Variants in PCSK6 observed in about 807,000 individuals in gnomAD.
PCSK6 encodes proprotein convertase subtilisin/kexin type 6.
A neutral mutation model predicts 123.3 loss-of-function variants in PCSK6; 85 were observed. The ratio of observed to expected loss-of-function variants is 0.69; its 90% CI spans 0.58 to 0.83. PCSK6 has a LOEUF of 0.83. Ranked by LOEUF, PCSK6 falls within the 40% of genes least tolerant of loss-of-function variation. The pLI is 0.00. For synonymous variants in PCSK6, 508 were observed against 516.0 expected (o/e 0.98, Z 0.21); for missense variants, 1,191 against 1,282.3 (o/e 0.93, Z 1.09).
At chr15:101,416,377 G>A (rs1378814735) in intron 6 of PCSK6, among the ~76,000 whole-genome samples, 1 of 152,228 alleles carries the variant, frequency 6.6e-6, no homozygotes, top group East Asian at 1.9e-4. Context: ...TTTAAAAGGT[G>A]ACTTGGGTGC....
chr15:101,385,393 C>T (rs1039984304), intron 9 of PCSK6, among the ~76,000 whole-genome samples: 2 of 152,142 alleles, frequency 1.3e-5, no homozygotes, highest in Non-Finnish European at 2.9e-5. Flanking sequence ...AGCCCCTCTG[C>T]CCACAGCAAC....
chr15:101,423,016 CAAAG>C (rs34511585), intron 6 of PCSK6, among the ~76,000 whole-genome samples: 5,866 of 152,104 alleles, frequency 0.039, 120 homozygotes, highest in African/African-American at 0.058. Flanking sequence ...TAGACATATG[CAAAG>C]AAAGAGAAAT....
rs79080980 is a variant in PCSK6 at position 101,372,550 on chromosome 15, G to A, written c.1533-2027C>T. ...AGCAGCCCCCGCTGCGGTAGATGGC[G>A]AACACAAGAGAAGGCTCTGGGGAGT... On this transcript the variant is annotated intron_variant, in intron 11 of 21. Transcript: ENST00000611716. Among the ~76,000 whole-genome samples, 716 of 152,232 alleles carry A rather than the reference G, an allele frequency of 4.7e-3. 18 individuals are homozygous for A. The East Asian group carries it at 0.062, about 13-fold the overall frequency.
chr15:101,335,160 A>C (rs1342737763), intron 13 of PCSK6, among the ~76,000 whole-genome samples: 3 of 152,076 alleles, frequency 2.0e-5, no homozygotes, highest in Non-Finnish European at 2.9e-5. Context: ...GAGTTTCACT[A>C]TGTTTCTCAG....
chr15:101,325,011 C>A lies in PCSK6; in HGVS notation c.2216G>T (p.Gly739Val). The change falls in exon 17 of 22, where the codon GGG (glycine) becomes GTG (valine). Residue 739 changes from glycine (G) to valine (V), a missense_variant. By Grantham distance (109) the Gly-to-Val change is moderately radical (BLOSUM62 -3). Transcript: ENST00000611716. Reference sequence around the variant, plus strand: ...GCGACAGCGTCTTGCTGCTGTGTCCCCAAAGTAGCCCAAGGGGCACACACT... The same window carrying A: ...GCGACAGCGTCTTGCTGCTGTGTCCACAAAGTAGCCCAAGGGGCACACACT... ...CVSVCPLGYF[G>V]DTAARRCRRC... The A allele has an allele frequency of 6.2e-7, 1 of 1,611,648 alleles. No individual in the cohort carries two copies. Among genetic ancestry groups the A allele is most frequent in the Non-Finnish European group, 8.5e-7 (1 of 1,179,764 alleles).
At chr15:101,376,892 G>A (rs1412036540) in intron 11 of PCSK6, among the ~76,000 whole-genome samples, 1 of 152,162 alleles carries the variant, frequency 6.6e-6, no homozygotes, top group East Asian at 1.9e-4. Context: ...CCCAAGAGGA[G>A]AAACCAGAAG....
chr15:101,367,408 A>C (rs957332853), intron 12 of PCSK6, among the ~76,000 whole-genome samples: 1 of 152,228 alleles, frequency 6.6e-6, no homozygotes, highest in Non-Finnish European at 1.5e-5. Context: ...GAATGATGTA[A>C]GATTCAATTT....
At chr15:101,363,095 G>A (rs2041283379) in intron 13 of PCSK6, among the ~76,000 whole-genome samples, 1 of 152,218 alleles carries the variant, frequency 6.6e-6, no homozygotes, top group Non-Finnish European at 1.5e-5. Context: ...GTGGTGGCTG[G>A]AGGGGATGTG....
intron 2 of PCSK6, among the ~76,000 whole-genome samples, chr15:101,437,510 C>A (rs1202067565): frequency 6.6e-6 from 1 of 152,124 alleles, no homozygotes; most frequent in South Asian, 2.1e-4. Context: ...CAGGCAGCTG[C>A]GAGCCCAGCT....
intron 20 of PCSK6, among the ~76,000 whole-genome samples, chr15:101,310,618 C>T (rs1434113064): frequency 6.6e-6 from 1 of 152,196 alleles, no homozygotes; most frequent in Non-Finnish European, 1.5e-5. Context: ...GGCAAGTTTC[C>T]TCCATTACAG....
At chr15:101,455,036 C>T (rs1198310421) in intron 1 of PCSK6, among the ~76,000 whole-genome samples, 5 of 151,882 alleles carry the variant, frequency 3.3e-5, no homozygotes, top group Non-Finnish European at 7.4e-5. Context: ...TAAAAAAGTT[C>T]TGGAGATGGA....
At chr15:101,325,690 G>A (rs546119161) in intron 16 of PCSK6, among the ~76,000 whole-genome samples, 2 of 152,242 alleles carry the variant, frequency 1.3e-5, no homozygotes, top group African/African-American at 2.4e-5. Context: ...GCAGCTGCAG[G>A]ACTGGCAGGG....
At chr15:101,330,614 C>G (rs1046285629) in intron 15 of PCSK6, among the ~76,000 whole-genome samples, 28 of 152,322 alleles carry the variant, frequency 1.8e-4, no homozygotes, top group Middle Eastern at 6.8e-3. Context: ...TCTCTGAGAG[C>G]CAGGAATGCA....
chr15:101,412,832 A>C (rs1158120623), intron 6 of PCSK6, among the ~76,000 whole-genome samples: 1 of 151,830 alleles, frequency 6.6e-6, no homozygotes, highest in East Asian at 1.9e-4. Context: ...ACAGGAGGAG[A>C]GGAAAAAGGG....
At chr15:101,400,648 C>T (rs1389355533) in intron 6 of PCSK6, among the ~76,000 whole-genome samples, 1 of 152,148 alleles carries the variant, frequency 6.6e-6, no homozygotes, top group South Asian at 2.1e-4. Flanking sequence ...TCCTGCTGTC[C>T]CATCCATTTG....
intron 1 of PCSK6, 28 bp downstream of exon 1, chr15:101,489,346 T>C (rs2058106192): frequency 4.4e-6 from 5 of 1,127,790 alleles, no homozygotes; most frequent in Non-Finnish European, 5.4e-6. Context: ...CGGGAAAGTT[T>C]TGGGCGCGCG....
At position 101,305,273 on chromosome 15, in the gene PCSK6, G is replaced by A. The variant is rs780568444; in HGVS notation, c.2895C>T (p.Cys965=). 3.1e-6 allele frequency: 5 copies of A among 1,611,394 alleles called. No homozygotes were observed. The highest frequency in any genetic ancestry group is 2.2e-5 in the East Asian group (1 of 44,860). The change falls in exon 22 of 22, where the codon TGC becomes TGT. Residue 965 remains cysteine, a synonymous_variant. Transcript: ENST00000611716. This position sits in a 1 kb window ranked among gnomAD's most constrained non-coding sequence, Gnocchi z 4.8. ...CTAGGCACCCTTACCCGGCCAGGAG[G>A]CACGTGCGGCAGCAGAACTGAATGA... is the stretch of plus-strand genomic sequence containing the variant. The part of the protein sequence containing the change: ...KLFIQFCCRT[C]LLAG
chr15:101,475,910 G>A (rs1394240304), intron 1 of PCSK6, among the ~76,000 whole-genome samples: 2 of 152,106 alleles, frequency 1.3e-5, no homozygotes, highest in African/African-American at 2.4e-5. Flanking sequence ...ACACAAAATC[G>A]GTGGGGCCCA....
rs2042479915 is a variant in PCSK6 at position 101,398,379 on chromosome 15, C to G, written c.996+25G>C. On this transcript the variant is annotated intron_variant, in intron 7 of 21. Transcript: ENST00000611716. The surrounding 1 kb of genome is among the most constrained non-coding windows in gnomAD (Gnocchi z 4.6). ...ACTGTCACCCTTGTCCCAGAGCGCT[C>G]CCCTGTAGCCCTGGTTACTCACACC... 1 of 1,589,392 alleles carries G rather than the reference C, an allele frequency of 6.3e-7. No individual in the cohort carries two copies. The highest frequency in any genetic ancestry group is 8.6e-7 in the Non-Finnish European group (1 of 1,163,284).
Sources: allele counts gnomAD v4.1 joint callset (sites outside exome capture counted in the v4.1 genomes callset), GRCh38; gene constraint gnomAD v4.1.1; non-coding constraint Gnocchi (gnomAD v3.1); transcripts MANE v1.5; gene names NCBI Gene and HGNC (gene_info 2026-07-23, HGNC 2026-07-21).